PTK2: variants seen among roughly 807,000 people sequenced by gnomAD.
PTK2 encodes focal adhesion kinase 1.
Under a neutral mutation model 150.1 loss-of-function variants are expected in PTK2, and 45 were observed. The observed-to-expected ratio is 0.30, with a 90% CI of 0.24 to 0.38. The LOEUF is 0.38. Ranked by LOEUF, PTK2 falls within the 10% of genes least tolerant of loss-of-function variation. PTK2 has a pLI of 1.00. For missense variants in PTK2, 919 were observed against 1,307.3 expected (o/e 0.70, Z 4.58); for synonymous variants, 432 against 449.2 (o/e 0.96, Z 0.48).
In PTK2 at chr8:140,889,331, G is replaced by A. The variant is rs554627449; in HGVS notation, c.195+1212C>T. On this transcript the variant is annotated intron_variant, in intron 3 of 31. Transcript: ENST00000522684. ...TGCAACCTCTGCCTCCTGGGTTCAA[G>A]TGTTTCTCCTGTCTCAGCCTCCTGA... 3.6e-3 allele frequency among the ~76,000 whole-genome samples: 542 copies of A among 152,296 alleles called. 3 individuals carry two copies. Among genetic ancestry groups the A allele is most frequent in the Non-Finnish European group, 5.7e-3 (385 of 68,026 alleles).
At chr8:140,864,556 A>G (rs1310900079) in intron 4 of PTK2, among the ~76,000 whole-genome samples, 157 bp from the exon 5 acceptor site, 1 of 152,224 alleles carries the variant, frequency 6.6e-6, no homozygotes, top group Non-Finnish European at 1.5e-5. Flanking sequence ...TAATTTTTAA[A>G]CATTTTAGCA....
intron 10 of PTK2, among the ~76,000 whole-genome samples, chr8:140,808,773 T>C (rs1453875062): frequency 5.4e-5 from 8 of 148,466 alleles, no homozygotes; most frequent in Admixed American, 1.4e-4. Flanking sequence ...TCTCACTCTG[T>C]CGTCCAGCAT....
At chr8:140,975,369 G>A (rs1315576096) in intron 1 of PTK2, among the ~76,000 whole-genome samples, 3 of 151,976 alleles carry the variant, frequency 2.0e-5, no homozygotes, top group African/African-American at 7.3e-5. Flanking sequence ...GCCCAGTATC[G>A]ACTGCATATC....
chr8:140,812,228 A>G (rs1002338424), intron 10 of PTK2, among the ~76,000 whole-genome samples: 10 of 152,230 alleles, frequency 6.6e-5, no homozygotes, highest in African/African-American at 2.4e-4. Context: ...CTACAAGCCA[A>G]AAGAGATTGG....
At chr8:140,912,363 GT>G (rs1447002239) in intron 2 of PTK2, among the ~76,000 whole-genome samples, 1 of 151,606 alleles carries the variant, frequency 6.6e-6, no homozygotes, top group Non-Finnish European at 1.5e-5. Context: ...CTTGAGTACA[GT>G]GGCTCGTGCC....
intron 27 of PTK2, among the ~76,000 whole-genome samples, chr8:140,676,681 A>G (rs1185941088): frequency 6.9e-6 from 1 of 145,912 alleles, no homozygotes; most frequent in Non-Finnish European, 1.5e-5. Flanking sequence ...TAATCCCAGC[A>G]CTTTGGGAGG....
chr8:140,841,135 TAAC>T (rs1326547719), intron 7 of PTK2, among the ~76,000 whole-genome samples: 1 of 152,158 alleles, frequency 6.6e-6, no homozygotes, highest in African/African-American at 2.4e-5. Flanking sequence ...ATGGGTATGT[TAAC>T]AAGCTTGATT....
At chr8:140,866,320 A>G (rs2154606118) in intron 4 of PTK2, among the ~76,000 whole-genome samples, 1 of 152,336 alleles carries the variant, frequency 6.6e-6, no homozygotes, top group Non-Finnish European at 1.5e-5. Flanking sequence ...AACATGAAAC[A>G]ATGGGCAGCC....
chr8:140,835,606 G>A (rs1185892347), intron 7 of PTK2, among the ~76,000 whole-genome samples: 7 of 152,154 alleles, frequency 4.6e-5, no homozygotes, highest in Admixed American at 2.6e-4. Flanking sequence ...TCATCCTGGG[G>A]ATGAAGTTGT....
chr8:140,703,102 T>C (rs2100031679), intron 24 of PTK2, among the ~76,000 whole-genome samples: 1 of 151,970 alleles, frequency 6.6e-6, no homozygotes, highest in African/African-American at 2.4e-5. Flanking sequence ...TCCTAGCACT[T>C]TGGGAGGCCG....
chr8:140,811,350 C>T (rs562859346), intron 10 of PTK2, among the ~76,000 whole-genome samples: 1 of 152,262 alleles, frequency 6.6e-6, no homozygotes, highest in South Asian at 2.1e-4. Flanking sequence ...CAGTTGAGTC[C>T]ACCTTACCAC....
At chr8:140,964,383 T>TA (rs1379656224) in intron 1 of PTK2, among the ~76,000 whole-genome samples, 1 of 144,488 alleles carries the variant, frequency 6.9e-6, no homozygotes. Context: ...AGCTAATTTC[T>TA]TTTTTTTTTT....
chr8:140,848,065 T>C (rs2154604451), intron 5 of PTK2, among the ~76,000 whole-genome samples: 1 of 152,322 alleles, frequency 6.6e-6, no homozygotes, highest in South Asian at 2.1e-4. Context: ...AATCATAGTA[T>C]AAACTCCACT....
intron 10 of PTK2, among the ~76,000 whole-genome samples, chr8:140,813,378 A>C (rs1435104693): frequency 6.6e-6 from 1 of 151,662 alleles, no homozygotes; most frequent in East Asian, 1.9e-4. Context: ...GACACAGGTA[A>C]GGCAGTGTAA....
intron 2 of PTK2, among the ~76,000 whole-genome samples, chr8:140,896,811 A>C (rs2154607575): frequency 6.7e-6 from 1 of 149,258 alleles, no homozygotes; most frequent in Non-Finnish European, 1.5e-5. Flanking sequence ...TGGGTAAAAC[A>C]TAAACATTGG....
At chr8:140,902,315 G>T (rs536065223) in intron 2 of PTK2, among the ~76,000 whole-genome samples, 2 of 152,306 alleles carry the variant, frequency 1.3e-5, no homozygotes, top group African/African-American at 2.4e-5. Flanking sequence ...GATTACAGGC[G>T]TGAGCCACCG....
chr8:140,669,270 C>T (rs2094179920), intron 29 of PTK2: 1 of 136,468 alleles, frequency 7.3e-6, no homozygotes, highest in African/African-American at 2.8e-5. Flanking sequence ...TTAAAAATTC[C>T]AACTGGTTAG....
At chr8:140,858,216 C>G (rs2100133914) in intron 5 of PTK2, among the ~76,000 whole-genome samples, 1 of 151,750 alleles carries the variant, frequency 6.6e-6, no homozygotes, top group African/African-American at 2.4e-5. Context: ...TTTAGAAAGA[C>G]AAGAAATTAA....
intron 19 of PTK2, 116 bp from the exon 23 acceptor site, chr8:140,743,446 C>A: frequency 3.3e-6 from 2 of 597,100 alleles, no homozygotes; most frequent in Non-Finnish European, 2.9e-6. Flanking sequence ...ACAATGCGAG[C>A]AGATTATATG....
Sources: allele counts gnomAD v4.1 joint callset (sites outside exome capture counted in the v4.1 genomes callset), GRCh38; gene constraint gnomAD v4.1.1; transcripts MANE v1.5; gene names NCBI Gene and HGNC (gene_info 2026-07-23, HGNC 2026-07-21).